HMCN1: variants seen among roughly 807,000 people sequenced by gnomAD.
HMCN1 encodes hemicentin 1, also known as hemicentin-1.
Under a neutral mutation model 625.9 loss-of-function variants are expected in HMCN1, and 321 were observed. The observed-to-expected ratio is 0.51, with a 90% confidence interval of 0.47 to 0.56. HMCN1 has a LOEUF of 0.56. HMCN1 is among the 20% of genes least tolerant of loss of function. HMCN1 has a pLI of 0.00. For missense variants in HMCN1, 6,588 were observed against 6,887.3 expected (o/e 0.96, Z 1.54); for synonymous variants, 2,425 against 2,417.6 (o/e 1.00, Z -0.09).
In HMCN1 at chr1:186,095,541, A is replaced by G; in HGVS notation, c.10573+20A>G. On this transcript the variant is annotated intron_variant, in intron 68 of 106. Transcript: ENST00000271588. ...TCCTAGGTATGTAAACATTGTGGTA[A>G]ATGTAGAATAATTGGAAAGTAAGTG... The G allele has an allele frequency of 5.6e-6, 9 of 1,606,924 alleles. No individual in the cohort carries two copies. Among genetic ancestry groups the G allele is most frequent in the Non-Finnish European group, 7.7e-6 (9 of 1,174,386 alleles).
rs12075655 is a variant in HMCN1 at position 186,053,807 on chromosome 1, A to G, written c.6701-18A>G. ...TTACATTTCTGCCTCATATTCTGCC[A>G]TTTGGACTTCTTTGTAGGCTCTCCA... On this transcript the variant is annotated intron_variant, in intron 43 of 106. Transcript: ENST00000271588. The G allele has an allele frequency of 1.2e-3, 1,952 of 1,612,100 alleles. 22 individuals carry two copies. The African/African-American group carries it at 0.022, about 18-fold the overall frequency.
chr1:186,036,372 C>T (rs1655822599), intron 36 of HMCN1, among the ~76,000 whole-genome samples: 1 of 152,094 alleles, frequency 6.6e-6, no homozygotes, highest in Admixed American at 6.6e-5. Flanking sequence ...GCAAAAGGCA[C>T]ATCTCACATG....
chr1:185,928,529 C>T lies in HMCN1; in HGVS notation c.1431-17C>T, dbSNP rs370334571. On this transcript the variant is annotated splice_polypyrimidine_tract_variant and intron_variant, in intron 9 of 106. Coordinates refer to ENST00000271588, the MANE Select transcript of HMCN1 (RefSeq NM_031935.3). ...TATTTTATAGTAACTAAAAGTTTTC[C>T]ATTTTCTTACCTCCAGAGAATCTGC... 66 of 1,609,604 alleles carry T rather than the reference C, an allele frequency of 4.1e-5. No individual in the cohort carries two copies. The African/African-American group carries it at 6.8e-4, about 17-fold the overall frequency.
At chr1:185,841,925 A>G (rs1447092322) in intron 1 of HMCN1, among the ~76,000 whole-genome samples, 1 of 152,248 alleles carries the variant, frequency 6.6e-6, no homozygotes, top group Non-Finnish European at 1.5e-5. Flanking sequence ...TTTTTGGTAC[A>G]AGATGTGAAT....
In HMCN1 at chr1:185,772,882, G is replaced by C. The variant is rs531716419; in HGVS notation, c.268+37835G>C. Among the ~76,000 whole-genome samples the C allele has an allele frequency of 2.6e-5, 4 of 152,218 alleles. No individual in the cohort carries two copies. The East Asian group carries it at 7.7e-4, about 29-fold the overall frequency. ...GGTGGAAGTGCCCACAGAGATGAAT[G>C]CTTCCTTACGTGGCAGAAGAGCAAA... is the stretch of plus-strand genomic sequence containing the variant. On this transcript the variant is annotated intron_variant, in intron 1 of 106. Coordinates refer to ENST00000271588, the MANE Select transcript of HMCN1 (RefSeq NM_031935.3).
intron 23 of HMCN1, 117 bp downstream of exon 23, chr1:185,993,426 A>G: frequency 8.9e-7 from 1 of 1,117,784 alleles, no homozygotes. Context: ...TAAAGAAAAA[A>G]ATTCTCTAAA....
intron 4 of HMCN1, among the ~76,000 whole-genome samples, chr1:185,867,440 A>G (rs1252674215): frequency 1.3e-5 from 2 of 152,190 alleles, no homozygotes; most frequent in African/African-American, 4.8e-5. Flanking sequence ...CTGCTCATAG[A>G]AATTGTCTTC....
intron 45 of HMCN1, among the ~76,000 whole-genome samples, chr1:186,056,682 G>A (rs1657341246): frequency 6.6e-6 from 1 of 151,806 alleles, no homozygotes; most frequent in Non-Finnish European, 1.5e-5. Flanking sequence ...CTTATAAGTG[G>A]GAACTAAACA....
chr1:185,897,826 G>T (rs1665572792), intron 4 of HMCN1, among the ~76,000 whole-genome samples: 1 of 152,036 alleles, frequency 6.6e-6, no homozygotes, highest in Non-Finnish European at 1.5e-5. Flanking sequence ...AAGAGATAAG[G>T]TCCCCTCTTG....
intron 4 of HMCN1, among the ~76,000 whole-genome samples, chr1:185,881,120 C>A (rs553263417): frequency 6.6e-6 from 1 of 152,334 alleles, no homozygotes; most frequent in South Asian, 2.1e-4. Context: ...GGCCCTATGC[C>A]ATTTTGCATG....
intron 52 of HMCN1, among the ~76,000 whole-genome samples, chr1:186,072,539 A>G (rs1376363937): frequency 6.6e-6 from 1 of 152,180 alleles, no homozygotes; most frequent in Non-Finnish European, 1.5e-5. Flanking sequence ...AACCAATAAG[A>G]CATAATGTGT....
At chr1:186,068,356 T>C (rs557437171) in intron 50 of HMCN1, among the ~76,000 whole-genome samples, 3 of 152,314 alleles carry the variant, frequency 2.0e-5, no homozygotes, top group Admixed American at 1.3e-4. Context: ...TCCTTCAAAG[T>C]TTAATTCAAG....
Position 186,152,743 on chromosome 1 carries a change from T to G in HMCN1, c.14897-7T>G. 6.2e-7 allele frequency: 1 copy of G among 1,613,740 alleles called. No homozygotes were observed. Reference sequence around the variant, plus strand: ...TGCTGTCAAAATGAATGTCTTGTAATTCCCAGGAGAAATCTTGCAGATGAG... The same window carrying G: ...TGCTGTCAAAATGAATGTCTTGTAAGTCCCAGGAGAAATCTTGCAGATGAG... On this transcript the variant is annotated splice_polypyrimidine_tract_variant and splice_region_variant and intron_variant, in intron 95 of 106. Transcript: ENST00000271588.
chr1:186,171,891 A>T (rs1223246862), intron 101 of HMCN1, 115 bp from the exon 102 acceptor site: 1 of 869,764 alleles, frequency 1.1e-6, no homozygotes. Context: ...TTACACAATG[A>T]TTATGCAATG....
chr1:186,108,892 G>A (rs1468850811), intron 71 of HMCN1, among the ~76,000 whole-genome samples: 1 of 152,148 alleles, frequency 6.6e-6, no homozygotes, highest in Non-Finnish European at 1.5e-5. Context: ...AGTTTGATTT[G>A]AAATACTCAG....
intron 11 of HMCN1, among the ~76,000 whole-genome samples, chr1:185,948,275 C>T (rs113118071): frequency 0.012 from 1,779 of 152,200 alleles, 29 homozygotes; most frequent in African/African-American, 0.041. Flanking sequence ...ATATATTACC[C>T]ATTTCATGCG....
chr1:185,988,116 G>T (rs956203815), intron 20 of HMCN1, among the ~76,000 whole-genome samples: 1 of 152,150 alleles, frequency 6.6e-6, no homozygotes, highest in African/African-American at 2.4e-5. Context: ...GCCTTTTAAG[G>T]TTCCTTCTAA....
chr1:185,979,818 G>A (rs16824809), intron 16 of HMCN1, among the ~76,000 whole-genome samples: 5,432 of 152,148 alleles, frequency 0.036, 214 homozygotes, highest in East Asian at 0.2. Flanking sequence ...ACTTTTCTCT[G>A]TTCAAATCTT....
intron 1 of HMCN1, among the ~76,000 whole-genome samples, chr1:185,769,954 A>G (rs1242971242): frequency 6.6e-6 from 1 of 152,140 alleles, no homozygotes; most frequent in Non-Finnish European, 1.5e-5. Flanking sequence ...CACTTTCACC[A>G]TATTCTGTTG....
Sources: gnomAD v4.1 joint callset for allele counts (sites outside exome capture counted in the v4.1 genomes callset) on GRCh38, gnomAD v4.1.1 for gene constraint, MANE v1.5 for transcripts, NCBI Gene and HGNC (gene_info 2026-07-23, HGNC 2026-07-21) for gene names.